Variants in MAP2K6 observed in about 807,000 individuals in gnomAD.
MAP2K6 encodes mitogen-activated protein kinase kinase 6.
MAP2K6 carries 16 observed loss-of-function variants against 53.7 expected under a neutral mutation model. The ratio of observed to expected loss-of-function variants is 0.30; its 90% CI spans 0.20 to 0.45. The LOEUF (loss-of-function observed/expected upper bound fraction) is 0.45, where lower values mean the gene tolerates loss of function less well. MAP2K6 is among the 20% of genes least tolerant of loss of function. The pLI is 1.00. For synonymous variants in MAP2K6, 132 were observed against 143.1 expected (o/e 0.92, Z 0.55); for missense variants, 204 against 411.9 (o/e 0.50, Z 4.37).
chr17:69,550,550 G>C lies in MAP2K6; in HGVS notation c.*8797G>C, dbSNP rs1020354091. The stretch of plus-strand genomic sequence containing the variant: ...AAGTTTCAGAAGCCATGAATTATGG[G>C]GAAGGAGTAGTTTTTTATTTTATTT... On this transcript the variant is annotated 3_prime_UTR_variant, in exon 12 of 12. Coordinates refer to ENST00000590474, the MANE Select transcript of MAP2K6 (RefSeq NM_002758.4). 2.0e-5 allele frequency: 3 copies of C among 152,162 alleles called. No homozygotes were observed. The highest frequency in any genetic ancestry group is 7.2e-5 in the African/African-American group (3 of 41,440). The allele number at this position is 152,162 out of a possible 1,614,324, so 9.4% of individuals were successfully genotyped here. A position where few individuals can be genotyped will look rare whatever the true frequency, so the allele number is the denominator to read the frequency against.
At position 69,544,763 on chromosome 17, in the gene MAP2K6, CTA is replaced by C. The variant is rs1911813069; in HGVS notation, c.*3012_*3013del. On this transcript the variant is annotated 3_prime_UTR_variant, in exon 12 of 12. Coordinates refer to ENST00000590474, the MANE Select transcript of MAP2K6 (RefSeq NM_002758.4). ...ATGCATAACTTTTAAGACTATTACC[CTA>C]TGTTTGTACGTATGAGTGAATATTG... 6.6e-6 allele frequency: 1 copy of C among 152,078 alleles called. No individual in the cohort carries two copies. The highest frequency in any genetic ancestry group is 2.4e-5 in the African/African-American group (1 of 41,430). The allele number at this position is 152,078 out of a possible 1,614,324, so 9.4% of individuals were successfully genotyped here. A position where few individuals can be genotyped will look rare whatever the true frequency, so the allele number is the denominator to read the frequency against.
chr17:69,514,632 G>A (rs1246803609), intron 2 of MAP2K6, among the ~76,000 whole-genome samples: 5 of 152,010 alleles, frequency 3.3e-5, no homozygotes, highest in Non-Finnish European at 7.4e-5. Flanking sequence ...CACGATCTTG[G>A]CTCACTTCAA....
At position 69,543,266 on chromosome 17, in the gene MAP2K6, T is replaced by C. The variant is rs1045206998; in HGVS notation, c.*1513T>C. The C allele has an allele frequency of 6.6e-6, 1 of 152,202 alleles. No homozygotes were observed. Among genetic ancestry groups the C allele is most frequent in the African/African-American group, 2.4e-5 (1 of 41,458 alleles). The allele number at this position is 152,202 out of a possible 1,614,324, so 9.4% of individuals were successfully genotyped here. A position where few individuals can be genotyped will look rare whatever the true frequency, so the allele number is the denominator to read the frequency against. On this transcript the variant is annotated 3_prime_UTR_variant, in exon 12 of 12. Transcript: ENST00000590474. ...AGAAAAAAAAACCTTATTTTTTCTT[T>C]CTTGGCCTCAAGTTCAATATGGAGA...
chr17:69,543,435 A>C lies in MAP2K6; in HGVS notation c.*1682A>C, dbSNP rs1228407575. On this transcript the variant is annotated 3_prime_UTR_variant, in exon 12 of 12. Transcript: ENST00000590474. ...CAGAATGAGCGTGACACTTCCGAAC[A>C]CTTCTTCATATTCAGTTCCAAGATA... The C allele has an allele frequency of 6.6e-6, 1 of 151,990 alleles. No individual in the cohort carries two copies. Among genetic ancestry groups the C allele is most frequent in the Admixed American group, 6.6e-5 (1 of 15,266 alleles). The allele number at this position is 151,990 out of a possible 1,614,324, so 9.4% of individuals were successfully genotyped here. A position where few individuals can be genotyped will look rare whatever the true frequency, so the allele number is the denominator to read the frequency against.
intron 4 of MAP2K6, among the ~76,000 whole-genome samples, chr17:69,518,126 G>A (rs1328781399): frequency 6.6e-6 from 1 of 152,154 alleles, no homozygotes; most frequent in African/African-American, 2.4e-5. Flanking sequence ...GGAGGTGGAG[G>A]TTGTGGTGAG....
At chr17:69,540,065 G>A (rs1032369840) in intron 11 of MAP2K6, among the ~76,000 whole-genome samples, 4 of 152,102 alleles carry the variant, frequency 2.6e-5, no homozygotes, top group East Asian at 1.9e-4. Flanking sequence ...ACTTAATCGC[G>A]ACCAGCTATC....
At chr17:69,460,532 C>G (rs60606334) in intron 1 of MAP2K6, among the ~76,000 whole-genome samples, 2,883 of 152,220 alleles carry the variant, frequency 0.019, 97 homozygotes, top group African/African-American at 0.065. Context: ...GAGAAGTTTA[C>G]TCCTCAAAAA....
intron 1 of MAP2K6, among the ~76,000 whole-genome samples, chr17:69,445,685 T>C (rs918180468): frequency 6.6e-6 from 1 of 152,186 alleles, no homozygotes; most frequent in Non-Finnish European, 1.5e-5. Flanking sequence ...CCATGAGTAT[T>C]TCCCTATAAG....
At chr17:69,508,049 T>TTTTTG (rs1909612032) in intron 2 of MAP2K6, among the ~76,000 whole-genome samples, 1 of 66,234 alleles carries the variant, frequency 1.5e-5, no homozygotes, top group African/African-American at 7.0e-5. Context: ...TAGTTTTTTT[T>TTTTTG]TTTTTTTTTT....
In MAP2K6 at chr17:69,551,135, C is replaced by T. The variant is rs547380643; in HGVS notation, c.*9382C>T. The T allele has an allele frequency of 1.3e-5, 2 of 152,298 alleles. No individual in the cohort carries two copies. Among genetic ancestry groups the T allele is most frequent in the East Asian group, 3.9e-4 (2 of 5,188 alleles). The allele number at this position is 152,298 out of a possible 1,614,324, so 9.4% of individuals were successfully genotyped here. Reference sequence around the variant, plus strand: ...AGTGACAAGGCGTGGAGTGACTGGGCTCTTCATATGCAGTGGAATTTTTGC... The same window carrying T: ...AGTGACAAGGCGTGGAGTGACTGGGTTCTTCATATGCAGTGGAATTTTTGC... On this transcript the variant is annotated 3_prime_UTR_variant, in exon 12 of 12. Transcript: ENST00000590474.
At chr17:69,450,142 G>C (rs1356913176) in intron 1 of MAP2K6, among the ~76,000 whole-genome samples, 1 of 147,152 alleles carries the variant, frequency 6.8e-6, no homozygotes, top group South Asian at 2.2e-4. Flanking sequence ...TAGTACAGAC[G>C]GTGTTTCACC....
intron 1 of MAP2K6, among the ~76,000 whole-genome samples, chr17:69,447,355 T>A (rs193158687): frequency 1.2e-3 from 178 of 152,174 alleles, no homozygotes; most frequent in African/African-American, 4.1e-3. Context: ...ATGTCATTTT[T>A]ATATTTTTGA....
At chr17:69,504,753 G>A (rs1412468065) in intron 1 of MAP2K6, among the ~76,000 whole-genome samples, 1 of 152,004 alleles carries the variant, frequency 6.6e-6, no homozygotes, top group Non-Finnish European at 1.5e-5. Flanking sequence ...AAAAGTATTC[G>A]AGCCAAATTC....
chr17:69,421,919 G>T (rs929392475), intron 1 of MAP2K6, among the ~76,000 whole-genome samples: 1 of 151,834 alleles, frequency 6.6e-6, no homozygotes, highest in African/African-American at 2.4e-5. Flanking sequence ...CCAGTGAAAT[G>T]ATTCTTCACT....
chr17:69,469,087 TC>T (rs1420325788), intron 1 of MAP2K6, among the ~76,000 whole-genome samples: 1 of 152,180 alleles, frequency 6.6e-6, no homozygotes, highest in Non-Finnish European at 1.5e-5. Flanking sequence ...GACCCCACTT[TC>T]TTGTAATTGT....
At chr17:69,488,893 A>G (rs1336957585) in intron 1 of MAP2K6, among the ~76,000 whole-genome samples, 1 of 152,112 alleles carries the variant, frequency 6.6e-6, no homozygotes, top group Non-Finnish European at 1.5e-5. Context: ...CTGCACATGT[A>G]CCTCCTGAAT....
chr17:69,519,914 G>C (rs535464782), intron 5 of MAP2K6: 1 of 234,872 alleles, frequency 4.3e-6, no homozygotes, highest in South Asian at 7.3e-5. Context: ...TATTTAGTGT[G>C]AGAGATACGA....
At chr17:69,489,599 T>A (rs1908668146) in intron 1 of MAP2K6, among the ~76,000 whole-genome samples, 1 of 152,244 alleles carries the variant, frequency 6.6e-6, no homozygotes, top group African/African-American at 2.4e-5. Context: ...AATCTTTCTA[T>A]AGGACTGTGG....
intron 11 of MAP2K6, among the ~76,000 whole-genome samples, chr17:69,536,835 C>A (rs949362442): frequency 1.4e-4 from 22 of 152,126 alleles, no homozygotes; most frequent in African/African-American, 5.3e-4. Context: ...AATCCCAGCA[C>A]TCTGGTAGGC....
Sources: allele counts gnomAD v4.1 joint callset (sites outside exome capture counted in the v4.1 genomes callset), GRCh38; gene constraint gnomAD v4.1.1; transcripts MANE v1.5; gene names NCBI Gene and HGNC (gene_info 2026-07-23, HGNC 2026-07-21).